The following STAP1 variants were observed in gnomAD, a reference collection of about 807,000 sequenced individuals.
The protein encoded by STAP1 is signal-transducing adaptor protein 1.
A neutral mutation model predicts 37.8 loss-of-function variants in STAP1; 30 were observed. The observed-to-expected ratio is 0.79, with a 90% CI of 0.59 to 1.08. STAP1 has a LOEUF of 1.08. Among genes scored for constraint, STAP1 ranks in the 50% least tolerant of loss-of-function variants. STAP1 has a pLI of 0.00. For synonymous variants in STAP1, 130 were observed against 116.0 expected (o/e 1.12, Z -0.78); for missense variants, 357 against 349.4 (o/e 1.02, Z -0.17).
chr4:67,585,768 G>T (rs1727966965), intron 6 of STAP1, among the ~76,000 whole-genome samples: 1 of 152,026 alleles, frequency 6.6e-6, no homozygotes, highest in Admixed American at 6.6e-5. Flanking sequence ...TTTTCTTATT[G>T]TTATGACTGC....
chr4:67,582,145 A>C (rs1727875054), intron 5 of STAP1, among the ~76,000 whole-genome samples: 1 of 152,050 alleles, frequency 6.6e-6, no homozygotes, highest in Non-Finnish European at 1.5e-5. Context: ...TTTTACCTGA[A>C]ACCACCAGCA....
At chr4:67,565,879 A>G (rs1727454818) in intron 1 of STAP1, among the ~76,000 whole-genome samples, 2 of 150,788 alleles carry the variant, frequency 1.3e-5, no homozygotes, top group Non-Finnish European at 2.9e-5. Context: ...CATAATTTCA[A>G]AAAGAAGCTC....
intron 8 of STAP1, among the ~76,000 whole-genome samples, chr4:67,605,599 G>C (rs1460841214): frequency 6.6e-6 from 1 of 152,090 alleles, no homozygotes; most frequent in Non-Finnish European, 1.5e-5. Flanking sequence ...TAAATAATTA[G>C]AATATTATCT....
At chr4:67,566,698 G>A (rs991394755) in intron 1 of STAP1, among the ~76,000 whole-genome samples, 28 of 152,172 alleles carry the variant, frequency 1.8e-4, no homozygotes, top group East Asian at 1.9e-4. Context: ...GGTTGGACAC[G>A]GTAGCTCATG....
chr4:67,588,406 G>T (rs573285344), intron 6 of STAP1, among the ~76,000 whole-genome samples: 2 of 151,700 alleles, frequency 1.3e-5, no homozygotes, highest in Non-Finnish European at 2.9e-5. Flanking sequence ...TGTTGTTGTT[G>T]TTTTTTGTTT....
At chr4:67,584,132 G>A (rs1332730846) in intron 6 of STAP1, among the ~76,000 whole-genome samples, 1 of 150,370 alleles carries the variant, frequency 6.7e-6, no homozygotes, top group Non-Finnish European at 1.5e-5. Context: ...CAAGAATAGG[G>A]AGGGAATGTC....
chr4:67,581,190 C>A, intron 4 of STAP1, 115 bp from the exon 5 acceptor site: 2 of 985,352 alleles, frequency 2.0e-6, no homozygotes, highest in Non-Finnish European at 3.0e-6. Flanking sequence ...AGTCCCTACT[C>A]ATTCACCTCT....
At chr4:67,568,065 G>A (rs938486424) in intron 1 of STAP1, among the ~76,000 whole-genome samples, 5 of 152,216 alleles carry the variant, frequency 3.3e-5, no homozygotes, top group Non-Finnish European at 7.3e-5. Context: ...AATGGTGATT[G>A]TAGTTCAAAA....
Position 67,590,873 on chromosome 4 carries a change from T to C in STAP1, c.660-11T>C, listed in dbSNP as rs371696639. 1 of 1,605,182 alleles carries C rather than the reference T, an allele frequency of 6.2e-7. No individual in the cohort carries two copies. Among genetic ancestry groups the C allele is most frequent in the African/African-American group, 1.3e-5 (1 of 74,546 alleles). On this transcript the variant is annotated splice_polypyrimidine_tract_variant and intron_variant, in intron 6 of 8. Coordinates refer to ENST00000265404, the MANE Select transcript of STAP1 (RefSeq NM_012108.4). ...TAATAAAATGGAGACTAACCATTTG[T>C]TTCATTGTAGCATTCCAAGAATCAA... is the stretch of plus-strand genomic sequence containing the variant.
chr4:67,604,880 T>G (rs537638198), intron 8 of STAP1, among the ~76,000 whole-genome samples: 2 of 152,228 alleles, frequency 1.3e-5, no homozygotes, highest in Non-Finnish European at 2.9e-5. Flanking sequence ...GCTTCTGTTA[T>G]GCTGTTTTGG....
At chr4:67,589,752 A>G (rs1253589981) in intron 6 of STAP1, among the ~76,000 whole-genome samples, 11 of 152,164 alleles carry the variant, frequency 7.2e-5, no homozygotes, top group Admixed American at 7.2e-4. Context: ...GTGACTTCTG[A>G]TCTCAGTGTA....
chr4:67,590,801 A>G lies in STAP1; in HGVS notation c.660-83A>G, dbSNP rs141038841. On this transcript the variant is annotated intron_variant, in intron 6 of 8. Coordinates refer to ENST00000265404, the MANE Select transcript of STAP1 (RefSeq NM_012108.4). ...AGTCATGACAACATAGGTTGATTAT[A>G]CAGGTGATATTTTATATTTACTTTA... 2,104 of 704,644 alleles carry G rather than the reference A, an allele frequency of 3.0e-3. 31 individuals are homozygous for G. Among genetic ancestry groups the G allele is most frequent in the South Asian group, 0.016 (763 of 49,036 alleles). The allele number at this position is 704,644 out of a possible 1,614,324, so 43.6% of individuals were successfully genotyped here. A position where few individuals can be genotyped will look rare whatever the true frequency, so the allele number is the denominator to read the frequency against.
At chr4:67,581,149 T>C (rs1303176390) in intron 4 of STAP1, among the ~76,000 whole-genome samples, 156 bp from the exon 5 acceptor site, 1 of 152,210 alleles carries the variant, frequency 6.6e-6, no homozygotes, top group Non-Finnish European at 1.5e-5. Flanking sequence ...ACACCCAACC[T>C]AGACTAAAAT....
chr4:67,604,820 C>A (rs1009899318), intron 8 of STAP1, among the ~76,000 whole-genome samples: 3 of 54,652 alleles, frequency 5.5e-5, no homozygotes, highest in Non-Finnish European at 9.6e-5. Flanking sequence ...TGAACCAGTT[C>A]TCTCTTACTT....
chr4:67,589,395 TTGTGA>T (rs1365270457), intron 6 of STAP1, among the ~76,000 whole-genome samples: 1 of 152,176 alleles, frequency 6.6e-6, no homozygotes, highest in Admixed American at 6.5e-5. Flanking sequence ...GCTGTTTCCA[TTGTGA>T]TGTCCAATTG....
intron 1 of STAP1, among the ~76,000 whole-genome samples, chr4:67,563,331 C>T (rs2046601): frequency 6.6e-6 from 1 of 152,216 alleles, no homozygotes; most frequent in East Asian, 1.9e-4. Flanking sequence ...TATAATGGAT[C>T]CCATTCTAGG....
intron 6 of STAP1, among the ~76,000 whole-genome samples, chr4:67,586,407 A>T (rs1333343332): frequency 2.0e-5 from 3 of 152,184 alleles, no homozygotes; most frequent in Non-Finnish European, 4.4e-5. Flanking sequence ...CAGTGAGCTG[A>T]TATTGCACCA....
intron 6 of STAP1, among the ~76,000 whole-genome samples, chr4:67,590,623 T>C (rs1728098034): frequency 6.6e-6 from 1 of 152,156 alleles, no homozygotes; most frequent in Non-Finnish European, 1.5e-5. Context: ...GATTCCTTTT[T>C]TCCTGTTTAT....
At chr4:67,593,481 C>A in intron 8 of STAP1, 125 bp downstream of exon 8, 3 of 661,280 alleles carry the variant, frequency 4.5e-6, no homozygotes, top group South Asian at 2.0e-5. Flanking sequence ...TTAAATTTAT[C>A]CATTTGGAAA....
Sources: allele counts gnomAD v4.1 joint callset (sites outside exome capture counted in the v4.1 genomes callset), GRCh38; gene constraint gnomAD v4.1.1; transcripts MANE v1.5; gene names NCBI Gene and HGNC (gene_info 2026-07-23, HGNC 2026-07-21).